Variants in SEPTIN4 observed in about 807,000 individuals in gnomAD.
SEPTIN4 encodes septin 4, also known as septin-4.
Under a neutral mutation model 107.1 loss-of-function variants are expected in SEPTIN4, and 52 were observed. That is an observed-to-expected ratio of 0.49 (90% CI 0.39 to 0.61). The LOEUF (loss-of-function observed/expected upper bound fraction) is 0.61. Ranked by LOEUF, SEPTIN4 falls within the 20% of genes least tolerant of loss-of-function variation. The probability of loss-of-function intolerance (pLI) is 0.00; values close to 1 mark genes in which losing one functional copy is unlikely to be tolerated. For synonymous variants in SEPTIN4, 417 were observed against 467.0 expected (o/e 0.89, Z 1.38); for missense variants, 1,048 against 1,243.5 (o/e 0.84, Z 2.36).
At position 58,543,966 on chromosome 17, in the gene SEPTIN4, T is replaced by A. The variant is rs1280038919; in HGVS notation, c.221A>T (p.Gln74Leu). 1 of 1,613,820 alleles carries A rather than the reference T, an allele frequency of 6.2e-7. No individual in the cohort carries two copies. The highest frequency in any genetic ancestry group is 1.7e-5 in the Admixed American group (1 of 59,982). Residue 74 changes from glutamine (Q) to leucine (L), a missense_variant, in exon 1 of 14, where the codon CAG (glutamine) becomes CTG (leucine). By Grantham distance (113) the Gln-to-Leu change is moderately radical (BLOSUM62 -2). Around this residue, in one of 2 missense-constraint regions of SEPTIN4, gnomAD observed 787 missense variants for 871.8 expected, o/e 0.90. Transcript: ENST00000672673. The part of the protein sequence containing the change: ...ASDYPRSVSL[Q>L]SGPGHYAVPT... The stretch of plus-strand genomic sequence containing the variant: ...TACTGCATAGTGTCCAGGTCCTGAC[T>A]GGAGGGAGACAGATCGAGGGTAGTC...
At chr17:58,528,036 G>C (rs1391111850) in intron 3 of SEPTIN4, 1 of 985,350 alleles carries the variant, frequency 1.0e-6, no homozygotes, top group Non-Finnish European at 1.2e-6. Flanking sequence ...CCTTCGTGGG[G>C]TGCCTGGCAG....
rs1389275236 is a variant in SEPTIN4, at chr17:58,543,034, T to G, written c.1153A>C (p.Met385Leu). Residue 385 changes from methionine (M) to leucine (L), a missense_variant, in exon 1 of 14, where the codon ATG becomes CTG. By Grantham distance (15) the Met-to-Leu change is conservative. Around this residue, in one of 2 missense-constraint regions of SEPTIN4, gnomAD observed 787 missense variants for 871.8 expected, o/e 0.90. Transcript: ENST00000672673. Reference sequence around the variant, plus strand: ...TACCTGGGTGTAGGTCCTTGGGACATGTAAGTAATTTCTGGGGGTTTTTGG... The same window carrying G: ...TACCTGGGTGTAGGTCCTTGGGACAGGTAAGTAATTTCTGGGGGTTTTTGG... ...QTQKPPEITY[M>L]SQGPTPRYPE... is the part of the protein sequence containing the mutation. 1 of 1,610,840 alleles carries G rather than the reference T, an allele frequency of 6.2e-7. No individual in the cohort carries two copies. Among genetic ancestry groups the G allele is most frequent in the Non-Finnish European group, 8.5e-7 (1 of 1,178,784 alleles).
chr17:58,541,747 G>A, intron 2 of SEPTIN4, 175 bp downstream of exon 2: 1 of 1,540,316 alleles, frequency 6.5e-7, no homozygotes, highest in Non-Finnish European at 8.8e-7. Context: ...CCAAAGAAAT[G>A]ACTCTAATGG....
chr17:58,536,481 C>T (rs2043715250), intron 3 of SEPTIN4, among the ~76,000 whole-genome samples: 1 of 152,184 alleles, frequency 6.6e-6, no homozygotes, highest in African/African-American at 2.4e-5. Context: ...AAGCCGCCAC[C>T]ACCTGTGGAG....
chr17:58,528,122 A>G, intron 3 of SEPTIN4: 1 of 817,384 alleles, frequency 1.2e-6, no homozygotes, highest in Non-Finnish European at 1.5e-6. Flanking sequence ...GCAGAGGCTG[A>G]CTCACTCTCT....
chr17:58,526,372 A>G, intron 4 of SEPTIN4, 59 bp from the exon 5 acceptor site: 1 of 1,447,002 alleles, frequency 6.9e-7, no homozygotes, highest in Non-Finnish European at 9.1e-7. Context: ...CCCGGCACCC[A>G]GCGCCAATCT....
rs145955398 is a variant in SEPTIN4, at chr17:58,536,759, G to A, written c.1614+3907C>T. ...TCCCCTAACAGCAGCTGAGCCAAAG[G>A]CAGCTGAGCAGAGGAGGGTGAGGGG... On this transcript the variant is annotated intron_variant, in intron 3 of 13. Transcript: ENST00000672673. Among the ~76,000 whole-genome samples the A allele has an allele frequency of 4.7e-3, 716 of 152,322 alleles. 4 individuals are homozygous for A. Among genetic ancestry groups the A allele is most frequent in the Non-Finnish European group, 8.2e-3 (556 of 68,026 alleles).
chr17:58,521,600 G>A lies in SEPTIN4; in HGVS notation c.2516C>T (p.Pro839Leu). 1 of 1,614,206 alleles carries A rather than the reference G, an allele frequency of 6.2e-7. No homozygotes were observed. Among genetic ancestry groups the A allele is most frequent in the Non-Finnish European group, 8.5e-7 (1 of 1,180,052 alleles). The change falls in exon 10 of 14, where the codon CCA (proline) becomes CTA (leucine). Residue 839 changes from proline to leucine, a missense_variant. Pro to Leu is a moderately conservative substitution (Grantham distance 98). Transcript: ENST00000672673. This position sits in a 1 kb window ranked among gnomAD's most constrained non-coding sequence, Gnocchi z 6.4. ...CTCATCCTCATCAGAGTCACAGTCT[G>A]GGAATTGATAGATCTTGATTCCAAA... is the stretch of plus-strand genomic sequence containing the variant. ...EHFGIKIYQF[P>L]DCDSDEDEDF...
chr17:58,542,113 C>A, intron 1 of SEPTIN4, 147 bp from the exon 2 acceptor site: 2 of 840,922 alleles, frequency 2.4e-6, no homozygotes, highest in Admixed American at 2.7e-5. Flanking sequence ...GCTCCTCCAG[C>A]CTAGGACTAT....
Position 58,543,081 on chromosome 17 carries a change from T to C in SEPTIN4, c.1106A>G (p.Glu369Gly), listed in dbSNP as rs773941207. Residue 369 changes from glutamate (E) to glycine (G), a missense_variant, in exon 1 of 14, where the codon GAG becomes GGG. Transcript: ENST00000672673. ...SHKSSMFVTP[E>G]PIYKQQTQKP... ...TTGGGTTTGCTGTTTATAGATGGGC[T>C]CTGGAGTAACAAACATGGATGACTT... 1.2e-6 allele frequency: 2 copies of C among 1,612,916 alleles called. No homozygotes were observed. The highest frequency in any genetic ancestry group is 2.2e-5 in the South Asian group (2 of 90,864).
At chr17:58,523,387 A>C (rs35288118) in intron 7 of SEPTIN4, among the ~76,000 whole-genome samples, 23,729 of 148,976 alleles carry the variant, frequency 0.16, 2,339 homozygotes, top group Non-Finnish European at 0.21. Flanking sequence ...AAAAAAAAAG[A>C]AAGGAGGAAG....
At chr17:58,540,608 T>A in intron 3 of SEPTIN4, 58 bp downstream of exon 3, 1 of 1,283,826 alleles carries the variant, frequency 7.8e-7, no homozygotes, top group Non-Finnish European at 1.0e-6. Flanking sequence ...AGGAGATGGA[T>A]TTGGATTGTG....
rs191633842 is a variant in SEPTIN4, at chr17:58,525,795, G to C, written c.2006-14C>G. ...GGCCAGACTCTCCTGAGAGGAGAGAGGACAGAGGCACCAAATCAGAAGGTA... is the reference window on the plus strand; with the variant it reads ...GGCCAGACTCTCCTGAGAGGAGAGACGACAGAGGCACCAAATCAGAAGGTA... On this transcript the variant is annotated splice_polypyrimidine_tract_variant and intron_variant, in intron 5 of 13. Coordinates refer to ENST00000672673, the MANE Select transcript of SEPTIN4 (RefSeq NM_001368771.2). 2 of 1,605,964 alleles carry C rather than the reference G, an allele frequency of 1.2e-6. No homozygotes were observed. Among genetic ancestry groups the C allele is most frequent in the Non-Finnish European group, 1.7e-6 (2 of 1,172,590 alleles).
At chr17:58,525,947 G>T (rs2042811154) in intron 5 of SEPTIN4, 166 bp from the exon 6 acceptor site, 1 of 862,450 alleles carries the variant, frequency 1.2e-6, no homozygotes, top group Non-Finnish European at 1.7e-6. Flanking sequence ...AGATTGGCTT[G>T]GGGGAGCAAG....
intron 1 of SEPTIN4, 150 bp downstream of exon 1, chr17:58,542,476 G>A: frequency 1.8e-6 from 2 of 1,112,738 alleles, no homozygotes; most frequent in Non-Finnish European, 2.5e-6. Flanking sequence ...GGGAAGGAAT[G>A]GAGCAATAGG....
chr17:58,533,312 C>T (rs554827601), intron 3 of SEPTIN4, among the ~76,000 whole-genome samples: 3 of 152,278 alleles, frequency 2.0e-5, no homozygotes, highest in Non-Finnish European at 2.9e-5. Context: ...ACCTTCCTAG[C>T]TGGGTGGCCT....
At chr17:58,525,469 A>G (rs923470588) in intron 6 of SEPTIN4, 2 of 608,638 alleles carry the variant, frequency 3.3e-6, no homozygotes, top group African/African-American at 3.7e-5. Context: ...TGGGGGTCAG[A>G]GACTCATTCA....
At chr17:58,529,095 C>A (rs778286968) in intron 3 of SEPTIN4, 1 of 1,614,100 alleles carries the variant, frequency 6.2e-7, no homozygotes, top group East Asian at 2.2e-5. Context: ...GTCCACCCAT[C>A]TCCCAGAGCA....
intron 1 of SEPTIN4, 80 bp from the exon 2 acceptor site, chr17:58,542,046 T>C: frequency 6.6e-7 from 1 of 1,509,334 alleles, no homozygotes. Flanking sequence ...CAGCTCCCTT[T>C]CTAGCTCCAC....
Sources: allele counts gnomAD v4.1 joint callset (sites outside exome capture counted in the v4.1 genomes callset), GRCh38; gene constraint gnomAD v4.1.1; regional missense constraint gnomAD v4.1.1; non-coding constraint Gnocchi (gnomAD v3.1); transcripts MANE v1.5; gene names NCBI Gene and HGNC (gene_info 2026-07-23, HGNC 2026-07-21).